Variants in ANKRD54 observed in about 807,000 individuals in gnomAD.
The protein encoded by ANKRD54 is ankyrin repeat domain 54.
ANKRD54 carries 26 observed loss-of-function variants against 36.2 expected under a neutral mutation model. That is an observed-to-expected ratio of 0.72 (90% CI 0.53 to 1.00). The LOEUF (loss-of-function observed/expected upper bound fraction) is 1.00. Among genes scored for constraint, ANKRD54 ranks in the 50% least tolerant of loss-of-function variants. ANKRD54 has a pLI of 0.00. For synonymous variants in ANKRD54, 209 were observed against 188.4 expected, an observed-to-expected ratio of 1.11 and a Z score of -0.89; for missense variants, 384 against 424.3, an observed-to-expected ratio of 0.91 and a Z score of 0.83.
chr22:37,834,141 C>T (rs769556868), intron 3 of ANKRD54: 4 of 216,572 alleles, frequency 1.8e-5, no homozygotes, highest in African/African-American at 2.2e-5. Context: ...ATAACCTCTC[C>T]CTCCTGGCAG....
At chr22:37,838,627 G>C (rs372599093) in intron 2 of ANKRD54, 29 bp from the exon 3 acceptor site, 155 of 1,594,106 alleles carry the variant, frequency 9.7e-5, no homozygotes, top group Non-Finnish European at 1.2e-4. Context: ...AGGGAGGAAG[G>C]GGGAGAAAGC....
In ANKRD54 at chr22:37,843,912, G is replaced by A. The variant is rs780605110; in HGVS notation, c.327C>T (p.His109=). 3 of 1,291,932 alleles carry A rather than the reference G, an allele frequency of 2.3e-6. No homozygotes were observed. The highest frequency in any genetic ancestry group is 2.9e-6 in the Non-Finnish European group (3 of 1,023,768). The allele number at this position is 1,291,932 out of a possible 1,614,324, so 80.0% of individuals were successfully genotyped here. A position where few individuals can be genotyped will look rare whatever the true frequency, so the allele number is the denominator to read the frequency against. ...CCCCGCGCCGCTCGCGCCGCTCACC[G>A]TGCACCTCCTTGCCCGTGGGCCCGA... ...RRLGPTGKEV[H]ALKRLRDSAN... Residue 109 remains histidine (H), a splice_region_variant and synonymous_variant, in exon 1 of 8, where the codon CAC becomes CAT. Coordinates refer to ENST00000215941, the MANE Select transcript of ANKRD54 (RefSeq NM_138797.4).
At chr22:37,842,438 A>G (rs779395053) in intron 1 of ANKRD54, among the ~76,000 whole-genome samples, 1 of 152,210 alleles carries the variant, frequency 6.6e-6, no homozygotes, top group Non-Finnish European at 1.5e-5. Flanking sequence ...CCTCAGGTCT[A>G]TCATCTGCAA....
intron 7 of ANKRD54, 149 bp downstream of exon 7, chr22:37,832,488 A>G: frequency 1.5e-6 from 1 of 669,112 alleles, no homozygotes; most frequent in Non-Finnish European, 2.5e-6. Flanking sequence ...TCAGCCTCCC[A>G]TAGCGTTGGG....
chr22:37,844,119 A>C lies in ANKRD54; in HGVS notation c.120T>G (p.Ala40=). The change falls in exon 1 of 8, where the codon GCT becomes GCG. Residue 40 remains alanine (A), a synonymous_variant. Transcript: ENST00000215941. ...CGCCGCCCAGCGCAGACCCGAAGTC[A>C]GCGAAGGAGAAGAGGCCCTCAGCGT... The part of the protein sequence containing the change: ...LTDAEGLFSF[A]DFGSALGGGG... 6.7e-7 allele frequency: 1 copy of C among 1,490,126 alleles called. No homozygotes were observed. 92.3% of individuals were successfully genotyped at this position (1,490,126 alleles called of 1,614,324 possible).
At chr22:37,843,627 T>G (rs1924558834) in intron 1 of ANKRD54, 1 of 232,386 alleles carries the variant, frequency 4.3e-6, no homozygotes, top group Non-Finnish European at 8.2e-6. Context: ...CTCATTTTAT[T>G]ATTCACCAAT....
At chr22:37,838,625 AG>A in intron 2 of ANKRD54, 27 bp from the exon 3 acceptor site, 1 of 1,593,980 alleles carries the variant, frequency 6.3e-7, no homozygotes. Flanking sequence ...AGAGGGAGGA[AG>A]GGGGAGAAAG....
chr22:37,834,491 TC>T (rs1179276905), intron 3 of ANKRD54: 2 of 151,524 alleles, frequency 1.3e-5, no homozygotes, highest in African/African-American at 4.9e-5. Context: ...GCTCAGGAGT[TC>T]AAGACCAGCC....
upstream of ANKRD54, chr22:37,849,278 C>A (rs779478061): frequency 1.3e-6 from 1 of 798,318 alleles, no homozygotes; most frequent in Non-Finnish European, 2.2e-6. Flanking sequence ...AGGTGTGAGC[C>A]ACGGAACGCG....
chr22:37,847,669 A>G (rs774736242), upstream of ANKRD54: 1 of 482,752 alleles, frequency 2.1e-6, no homozygotes, highest in Non-Finnish European at 4.1e-6. Flanking sequence ...ATTTTACAAA[A>G]GCAAAGGACC....
chr22:37,839,189 T>C lies in ANKRD54; in HGVS notation c.377-591A>G, dbSNP rs1197055722. On this transcript the variant is annotated intron_variant, in intron 2 of 7. Transcript: ENST00000215941. ...CACACCCGGCCCGAAAAAATGTTTA[T>C]GATACACAAAAAATTATGCAGGCTA... is the stretch of plus-strand genomic sequence containing the variant. Among the ~76,000 whole-genome samples the C allele has an allele frequency of 2.6e-5, 4 of 151,638 alleles. No individual in the cohort carries two copies. In the South Asian group the frequency reaches 6.3e-4, roughly 24 times the overall value.
chr22:37,845,594 C>T (rs543587654), upstream of ANKRD54, among the ~76,000 whole-genome samples: 10 of 152,128 alleles, frequency 6.6e-5, no homozygotes, highest in South Asian at 6.2e-4. Context: ...GTAATCTTTC[C>T]GCACGGTGGG....
chr22:37,839,847 C>T lies in ANKRD54; in HGVS notation c.376+340G>A, dbSNP rs955581381. ...GGCAGCTAAGTTGAGTATTCACTCC[C>T]ATTAACCACAAGTTCCAAAGTTAGT... is the stretch of plus-strand genomic sequence containing the variant. On this transcript the variant is annotated intron_variant, in intron 2 of 7. Coordinates refer to ENST00000215941, the MANE Select transcript of ANKRD54 (RefSeq NM_138797.4). Among the ~76,000 whole-genome samples the T allele has an allele frequency of 4.6e-5, 7 of 152,338 alleles. No homozygotes were observed. In the South Asian group the frequency reaches 6.2e-4, roughly 14 times the overall value.
chr22:37,833,085 G>A lies in ANKRD54; in HGVS notation c.596-3C>T, dbSNP rs1198505808. The stretch of plus-strand genomic sequence containing the variant: ...GTCCAGGGCATCTACACGGGCCCCT[G>A]CAGGTACCAGCTGAGGTGAGCATTC... On this transcript the variant is annotated splice_region_variant and splice_polypyrimidine_tract_variant and intron_variant, in intron 5 of 7. Transcript: ENST00000215941. The A allele has an allele frequency of 6.2e-7, 1 of 1,614,128 alleles. No individual in the cohort carries two copies. The highest frequency in any genetic ancestry group is 1.7e-5 in the Admixed American group (1 of 59,998).
Position 37,840,234 on chromosome 22 carries a change from G to A in ANKRD54, c.329C>T (p.Ala110Val). 1 of 1,613,952 alleles carries A rather than the reference G, an allele frequency of 6.2e-7. No individual in the cohort carries two copies. The stretch of plus-strand genomic sequence containing the variant: ...GGCCGAGTCCCTCAGTCTCTTCAGA[G>A]CTGTAAAGAGAGTAACGGATGCCAG... ...RLGPTGKEVH[A>V]LKRLRDSANA... is the part of the protein sequence containing the mutation. Residue 110 changes from alanine (A) to valine (V), a missense_variant and splice_region_variant, in exon 2 of 8, where the codon GCT becomes GTT. Ala to Val is a moderately conservative substitution (Grantham distance 64). Around this residue, in one of 3 missense-constraint regions of ANKRD54, gnomAD observed 10 missense variants for 22.5 expected, o/e 0.44. Coordinates refer to ENST00000215941, the MANE Select transcript of ANKRD54 (RefSeq NM_138797.4).
upstream of ANKRD54, chr22:37,844,434 T>G: frequency 3.8e-6 from 2 of 531,876 alleles, no homozygotes; most frequent in Non-Finnish European, 6.5e-6. Flanking sequence ...CTTAAACCGG[T>G]CCCAAAACCA....
At chr22:37,841,891 A>G (rs1924316114) in intron 1 of ANKRD54, among the ~76,000 whole-genome samples, 1 of 17,274 alleles carries the variant, frequency 5.8e-5, no homozygotes, top group African/African-American at 1.0e-3. Flanking sequence ...AAATAAATAA[A>G]TAAATAAAAT....
At chr22:37,847,710 C>T, upstream of ANKRD54, 1 of 461,348 alleles carries the variant, frequency 2.2e-6, no homozygotes, top group Non-Finnish European at 4.3e-6. Context: ...CCTCCCTGAA[C>T]CAAGGAAGAG....
At chr22:37,845,032 AAAAAAAAG>A (rs1342673805), upstream of ANKRD54, among the ~76,000 whole-genome samples, 1 of 152,108 alleles carries the variant, frequency 6.6e-6, no homozygotes, top group East Asian at 1.9e-4. Context: ...AAAAAAAAAA[AAAAAAAAG>A]AACTTCCCAC....
Sources: gnomAD v4.1 joint callset for allele counts (sites outside exome capture counted in the v4.1 genomes callset) on GRCh38, gnomAD v4.1.1 for gene constraint, gnomAD v4.1.1 regional missense constraint, MANE v1.5 for transcripts, NCBI Gene and HGNC (gene_info 2026-07-23, HGNC 2026-07-21) for gene names.